Variants in MED26 observed in about 807,000 individuals in gnomAD.
MED26 encodes mediator complex subunit 26, also known as mediator of RNA polymerase II transcription subunit 26.
In MED26, 7 loss-of-function variants were observed where a neutral mutation model predicts 43.7. The observed-to-expected ratio is 0.16, with a 90% CI of 0.09 to 0.30. MED26 has a LOEUF of 0.30. Among genes scored for constraint, MED26 ranks in the 10% least tolerant of loss-of-function variants. MED26 has a pLI of 1.00. For missense variants in MED26, 784 were observed against 840.6 expected (o/e 0.93, Z 0.83); for synonymous variants, 375 against 371.1 (o/e 1.01, Z -0.12).
chr19:16,576,174 G>T lies in MED26; in HGVS notation c.1656C>A (p.Leu552=), dbSNP rs547090149. The T allele has an allele frequency of 8.1e-6, 13 of 1,613,384 alleles. No individual in the cohort carries two copies. Among genetic ancestry groups the T allele is most frequent in the South Asian group, 1.1e-5 (1 of 91,086 alleles). The part of the protein sequence containing the change: ...GLTREVTQDD[L]DRIQASQWPG... ...GCCACTGGCTGGCCTGGATTCTGTC[G>T]AGATCGTCCTGTGTGACCTCCCGGG... Residue 552 remains leucine (L), a synonymous_variant, in exon 3 of 3, where the codon CTC becomes CTA. Transcript: ENST00000263390. This position sits in a 1 kb window ranked among gnomAD's most constrained non-coding sequence, Gnocchi z 6.8.
At chr19:16,606,734 T>C (rs750022675) in intron 1 of MED26, among the ~76,000 whole-genome samples, 1 of 151,384 alleles carries the variant, frequency 6.6e-6, no homozygotes, top group African/African-American at 2.4e-5. Flanking sequence ...GGGAGGGGAG[T>C]AGGCTGAGAC....
chr19:16,617,315 C>G (rs978720478), intron 1 of MED26, among the ~76,000 whole-genome samples: 1 of 152,150 alleles, frequency 6.6e-6, no homozygotes, highest in Non-Finnish European at 1.5e-5. Context: ...AGCCTGGGGG[C>G]ACATGCTGTT....
At chr19:16,584,388 T>A (rs900749472) in intron 1 of MED26, among the ~76,000 whole-genome samples, 1 of 148,352 alleles carries the variant, frequency 6.7e-6, no homozygotes, top group African/African-American at 2.5e-5. Context: ...GAGAGCCCCA[T>A]AGCCTGTGCT....
At position 16,590,218 on chromosome 19, in the gene MED26, A is replaced by C. The variant is rs1224902838; in HGVS notation, c.73-11809T>G. The stretch of plus-strand genomic sequence containing the variant: ...CCCTGCAGGGCACTGGGGTCTTGCC[A>C]CACCATGGTCTCCCCTGAGACCACA... On this transcript the variant is annotated intron_variant, in intron 1 of 2. Transcript: ENST00000263390. Among the ~76,000 whole-genome samples, 3 of 152,208 alleles carry C rather than the reference A, an allele frequency of 2.0e-5. No homozygotes were observed. The East Asian group carries it at 5.8e-4, about 29-fold the overall frequency.
chr19:16,596,165 T>C (rs1047134296), intron 1 of MED26, among the ~76,000 whole-genome samples: 7 of 152,184 alleles, frequency 4.6e-5, no homozygotes, highest in Non-Finnish European at 1.0e-4. Flanking sequence ...GGCAAGCCAC[T>C]GTGCCCAGCC....
chr19:16,576,868 G>A lies in MED26; in HGVS notation c.962C>T (p.Pro321Leu), dbSNP rs1347850212. 1.2e-5 allele frequency: 19 copies of A among 1,610,088 alleles called. 1 individual carries two copies. The highest frequency in any genetic ancestry group is 6.6e-5 in the South Asian group (6 of 90,854). The change falls in exon 3 of 3, where the codon CCG (proline) becomes CTG (leucine). Residue 321 changes from proline to leucine, a missense_variant. Pro to Leu is a moderately conservative substitution (Grantham distance 98). Around this residue, in one of 3 missense-constraint regions of MED26, gnomAD observed 719 missense variants for 730.9 expected, o/e 0.98. Coordinates refer to ENST00000263390, the MANE Select transcript of MED26 (RefSeq NM_004831.5). The surrounding 1 kb of genome is among the most constrained non-coding windows in gnomAD (Gnocchi z 6.8). ...QVPSPLPLAQ[P>L]STPPVRRLEL... ...GAGCCGCCGTACGGGGGGTGTGGAC[G>A]GCTGTGCCAGTGGAAGCGGTGACGG...
Position 16,578,406 on chromosome 19 carries a change from G to A in MED26, c.76C>T (p.Arg26Trp), listed in dbSNP as rs1224051451. The change falls in exon 2 of 3, where the codon CGG (arginine) becomes TGG (tryptophan). Residue 26 changes from arginine (R) to tryptophan (W), a missense_variant. Physicochemically the swap from Arg to Trp is moderately radical, Grantham distance 101. Coordinates refer to ENST00000263390, the MANE Select transcript of MED26 (RefSeq NM_004831.5). ...LQAIDPQSNIRNMVAVLEVIS... is the reference protein window; with the variant it reads ...LQAIDPQSNIWNMVAVLEVIS... The stretch of plus-strand genomic sequence containing the variant: ...ACTTCCAGCACCGCCACCATGTTCC[G>A]GATCTGTGGAAATAAAAAGCCATTT... The A allele has an allele frequency of 6.2e-7, 1 of 1,613,904 alleles. No individual in the cohort carries two copies. Among genetic ancestry groups the A allele is most frequent in the Non-Finnish European group, 8.5e-7 (1 of 1,179,910 alleles).
intron 1 of MED26, among the ~76,000 whole-genome samples, chr19:16,618,402 A>G (rs553973247): frequency 2.6e-5 from 4 of 152,278 alleles, no homozygotes; most frequent in African/African-American, 9.6e-5. Flanking sequence ...CCAGGACAGG[A>G]TCTGAAGCTG....
chr19:16,616,643 G>A (rs1028559533), intron 1 of MED26, among the ~76,000 whole-genome samples: 1 of 152,192 alleles, frequency 6.6e-6, no homozygotes, highest in Admixed American at 6.5e-5. Flanking sequence ...ATCCACTTTG[G>A]AGTGGGCTGT....
At chr19:16,578,115 C>T (rs929206950) in intron 2 of MED26, 15 of 578,886 alleles carry the variant, frequency 2.6e-5, no homozygotes, top group African/African-American at 5.7e-5. Flanking sequence ...CACGTGCCCA[C>T]GAAGTGTGCT....
At chr19:16,617,876 C>T (rs537118441) in intron 1 of MED26, among the ~76,000 whole-genome samples, 2 of 152,188 alleles carry the variant, frequency 1.3e-5, no homozygotes, top group Non-Finnish European at 2.9e-5. Context: ...ACAAAACTTT[C>T]CCTCACAGAC....
At chr19:16,581,905 G>C (rs1286046374) in intron 1 of MED26, among the ~76,000 whole-genome samples, 1 of 152,248 alleles carries the variant, frequency 6.6e-6, no homozygotes, top group Non-Finnish European at 1.5e-5. Flanking sequence ...CGTGTGAGCT[G>C]CTCACCTGAG....
At chr19:16,624,012 ACT>A in intron 1 of MED26, among the ~76,000 whole-genome samples, 1 of 152,112 alleles carries the variant, frequency 6.6e-6, no homozygotes, top group South Asian at 2.1e-4. Context: ...GAGAAGCAGA[ACT>A]CTCTGACAGG....
rs755356567 is a variant in MED26, at chr19:16,576,363, G to A, written c.1467C>T (p.Tyr489=). 4.3e-6 allele frequency: 7 copies of A among 1,614,002 alleles called. No homozygotes were observed. In the Admixed American group the frequency reaches 5.0e-5, roughly 12 times the overall value. The change falls in exon 3 of 3, where the codon TAC becomes TAT. Residue 489 remains tyrosine (Y), a synonymous_variant. Transcript: ENST00000263390. The surrounding 1 kb of genome is among the most constrained non-coding windows in gnomAD (Gnocchi z 6.8). ...AGAGCAGGCTGCTCTGCCGGCTCAG[G>A]TAGGACTGGATGATCTCGTTGCGTG... ...ELSRNEIIQS[Y]LSRQSSLLSS... is the part of the protein sequence containing the mutation.
At chr19:16,627,082 G>A (rs1332185127) in intron 1 of MED26, among the ~76,000 whole-genome samples, 2 of 152,322 alleles carry the variant, frequency 1.3e-5, no homozygotes, top group South Asian at 2.1e-4. Flanking sequence ...CCCCAGGTGA[G>A]GGAAAGAGCC....
intron 1 of MED26, among the ~76,000 whole-genome samples, chr19:16,580,093 A>C (rs546366103): frequency 1.3e-5 from 2 of 152,312 alleles, no homozygotes; most frequent in East Asian, 1.9e-4. Context: ...TAGTGCACAG[A>C]CAGCCATGGA....
chr19:16,585,368 C>T (rs1211464311), intron 1 of MED26, among the ~76,000 whole-genome samples: 7 of 152,176 alleles, frequency 4.6e-5, no homozygotes, highest in Non-Finnish European at 1.0e-4. Flanking sequence ...CCCAGGACAG[C>T]CACCACCACA....
chr19:16,621,995 C>T (rs186831448), intron 1 of MED26, among the ~76,000 whole-genome samples: 393 of 152,276 alleles, frequency 2.6e-3, no homozygotes, highest in African/African-American at 9.2e-3. Flanking sequence ...GTGCCCCATC[C>T]CACAGCAGAG....
At chr19:16,593,067 G>C (rs2086105234) in intron 1 of MED26, among the ~76,000 whole-genome samples, 1 of 152,216 alleles carries the variant, frequency 6.6e-6, no homozygotes, top group East Asian at 1.9e-4. Flanking sequence ...CCAGACACCA[G>C]CACCTGGTCC....
Sources: allele counts gnomAD v4.1 joint callset (sites outside exome capture counted in the v4.1 genomes callset), GRCh38; gene constraint gnomAD v4.1.1; regional missense constraint gnomAD v4.1.1; non-coding constraint Gnocchi (gnomAD v3.1); transcripts MANE v1.5; gene names NCBI Gene and HGNC (gene_info 2026-07-23, HGNC 2026-07-21).